AMN1: variants seen among roughly 807,000 people sequenced by gnomAD.
The protein encoded by AMN1 is antagonist of mitotic exit network 1 homolog, also known as protein AMN1 homolog.
Under a neutral mutation model 33.0 loss-of-function variants are expected in AMN1, and 20 were observed. The observed-to-expected ratio is 0.61, with a 90% CI of 0.43 to 0.88. AMN1 has a LOEUF of 0.88. Ranked by LOEUF, AMN1 falls within the 40% of genes least tolerant of loss-of-function variation. The probability of loss-of-function intolerance (pLI) is 0.00; values close to 1 mark genes in which losing one functional copy is unlikely to be tolerated. For missense variants in AMN1, 246 were observed against 307.4 expected, an observed-to-expected ratio of 0.80 and a Z score of 1.49; for synonymous variants, 114 against 111.9, an observed-to-expected ratio of 1.02 and a Z score of -0.12.
At chr12:31,725,357 G>T (rs1940023368) in intron 1 of AMN1, among the ~76,000 whole-genome samples, 2 of 152,180 alleles carry the variant, frequency 1.3e-5, no homozygotes, top group African/African-American at 2.4e-5. Flanking sequence ...AAAATGAAAA[G>T]AAGTCAGCTA....
At chr12:31,725,449 T>C in intron 1 of AMN1, among the ~76,000 whole-genome samples, 1 of 152,222 alleles carries the variant, frequency 6.6e-6, no homozygotes, top group Non-Finnish European at 1.5e-5. Context: ...CTACGTTTTA[T>C]ACTTAAAAGA....
At chr12:31,711,708 G>A (rs1939473040) in intron 1 of AMN1, among the ~76,000 whole-genome samples, 1 of 152,074 alleles carries the variant, frequency 6.6e-6, no homozygotes, top group Non-Finnish European at 1.5e-5. Context: ...TTTATCTTTT[G>A]TTTATGCTAG....
intron 6 of AMN1, among the ~76,000 whole-genome samples, chr12:31,685,807 A>AAAAAAAAAAAG (rs561225051): frequency 1.4e-4 from 21 of 146,220 alleles, no homozygotes; most frequent in African/African-American, 2.9e-4. Context: ...TATCAAAAAA[A>AAAAAAAAAAAG]AAAGAAAGAA....
intron 5 of AMN1, among the ~76,000 whole-genome samples, chr12:31,695,447 C>T (rs1374859967): frequency 6.7e-6 from 1 of 150,286 alleles, no homozygotes; most frequent in Non-Finnish European, 1.5e-5. Flanking sequence ...GAATTCAAAA[C>T]TTGGTATAAT....
At chr12:31,728,657 G>C (rs1483223848) in intron 1 of AMN1, among the ~76,000 whole-genome samples, 1 of 152,152 alleles carries the variant, frequency 6.6e-6, no homozygotes, top group Non-Finnish European at 1.5e-5. Context: ...TTCTACCAAG[G>C]CTTTTAGCTG....
intron 6 of AMN1, among the ~76,000 whole-genome samples, chr12:31,685,617 A>T (rs1191310958): frequency 1.3e-5 from 2 of 152,010 alleles, no homozygotes; most frequent in Admixed American, 6.6e-5. Context: ...CCTGGCCAAC[A>T]TGGTGAAACA....
At position 31,683,451 on chromosome 12, in the gene AMN1, T is replaced by A. The variant is rs754967098; in HGVS notation, c.703+5556A>T. ...CTTTTTAAAAGAATGATTGATATGG[T>A]TTGACTGTGTCGCCACCCAAATCTC... On this transcript the variant is annotated intron_variant, in intron 6 of 6. Transcript: ENST00000281471. This position sits in a 1 kb window ranked among gnomAD's most constrained non-coding sequence, Gnocchi z 4.1. Among the ~76,000 whole-genome samples, 6 of 152,224 alleles carry A rather than the reference T, an allele frequency of 3.9e-5. No individual in the cohort carries two copies. The highest frequency in any genetic ancestry group is 7.3e-5 in the Non-Finnish European group (5 of 68,048).
chr12:31,728,873 G>A, intron 1 of AMN1, 98 bp downstream of exon 1: 7 of 1,360,148 alleles, frequency 5.1e-6, no homozygotes, highest in Non-Finnish European at 7.0e-6. Flanking sequence ...TCGGCGGGGG[G>A]GGTGGGAAAG....
Position 31,681,055 on chromosome 12 carries a change from G to A in AMN1, c.703+7952C>T, listed in dbSNP as rs74085134. On this transcript the variant is annotated intron_variant, in intron 6 of 6. Coordinates refer to ENST00000281471, the MANE Select transcript of AMN1 (RefSeq NM_001113402.2). ...ATATATCATTATAGAAGATTTAGGG[G>A]TACTGATGGTTAAGTGGGAAGAGTA... Among the ~76,000 whole-genome samples, 1,272 of 152,184 alleles carry A rather than the reference G, an allele frequency of 8.4e-3. 18 individuals carry two copies. The highest frequency in any genetic ancestry group is 0.029 in the African/African-American group (1,200 of 41,538).
chr12:31,686,854 C>A (rs1490178831), intron 6 of AMN1, among the ~76,000 whole-genome samples: 1 of 152,084 alleles, frequency 6.6e-6, no homozygotes, highest in African/African-American at 2.4e-5. Flanking sequence ...TGACAGCCAC[C>A]ACGTCCAACC....
chr12:31,700,865 A>T (rs1938963934), intron 3 of AMN1, among the ~76,000 whole-genome samples: 3 of 147,296 alleles, frequency 2.0e-5, no homozygotes, highest in Non-Finnish European at 3.0e-5. Context: ...AATTTTTTGT[A>T]GTTTTAGTAG....
intron 3 of AMN1, among the ~76,000 whole-genome samples, chr12:31,699,171 A>C (rs2139689750): frequency 6.6e-6 from 1 of 152,070 alleles, no homozygotes; most frequent in East Asian, 1.9e-4. Context: ...CGGGCAGATT[A>C]CTTGAGCTCA....
At chr12:31,703,922 T>C (rs1025189513) in intron 2 of AMN1, among the ~76,000 whole-genome samples, 11 of 152,204 alleles carry the variant, frequency 7.2e-5, no homozygotes, top group Middle Eastern at 3.2e-3. Context: ...CAAGCTCAGT[T>C]TTCTCTCTGT....
intron 1 of AMN1, among the ~76,000 whole-genome samples, chr12:31,723,588 T>C (rs141301099): frequency 2.3e-3 from 348 of 152,240 alleles, no homozygotes; most frequent in African/African-American, 8.2e-3. Context: ...CCACTTTCAC[T>C]CTGACAATGA....
rs1951289772 is a variant in AMN1 at position 31,672,290 on chromosome 12, T to G, written c.*14A>C. The G allele has an allele frequency of 6.4e-7, 1 of 1,556,838 alleles. No homozygotes were observed. Among genetic ancestry groups the G allele is most frequent in the Non-Finnish European group, 8.7e-7 (1 of 1,146,052 alleles). ...TGATAAGCTTTCCTAGCATTGATCATCTTCAAAAAAGCATCAATAAACAGT... is the reference window on the plus strand; with the variant it reads ...TGATAAGCTTTCCTAGCATTGATCAGCTTCAAAAAAGCATCAATAAACAGT... On this transcript the variant is annotated 3_prime_UTR_variant, in exon 7 of 7. Transcript: ENST00000281471.
At chr12:31,678,951 C>A (rs1937872464) in intron 6 of AMN1, among the ~76,000 whole-genome samples, 2 of 152,062 alleles carry the variant, frequency 1.3e-5, no homozygotes, top group African/African-American at 4.8e-5. Context: ...AAAATGAGTT[C>A]TCCTTTAAGC....
chr12:31,681,008 C>T (rs1317172301), intron 6 of AMN1, among the ~76,000 whole-genome samples: 1 of 152,088 alleles, frequency 6.6e-6, no homozygotes. Context: ...CACTTTACTT[C>T]CATTCAATGA....
chr12:31,672,594 T>TA, intron 6 of AMN1: 2 of 399,744 alleles, frequency 5.0e-6, no homozygotes, highest in Non-Finnish European at 4.5e-6. Flanking sequence ...TATTACTTGT[T>TA]TAAAAAAAAA....
At chr12:31,672,672 T>C (rs886448137) in intron 6 of AMN1, 4 of 267,496 alleles carry the variant, frequency 1.5e-5, no homozygotes, top group Admixed American at 4.9e-5. Context: ...TGGTCTAATT[T>C]CACCATTAAC....
Sources: gnomAD v4.1 joint callset for allele counts (sites outside exome capture counted in the v4.1 genomes callset) on GRCh38, gnomAD v4.1.1 for gene constraint, Gnocchi (gnomAD v3.1) non-coding constraint, MANE v1.5 for transcripts, NCBI Gene and HGNC (gene_info 2026-07-23, HGNC 2026-07-21) for gene names.